Variants in CACNA1C observed in about 807,000 individuals in gnomAD.
CACNA1C encodes the protein calcium voltage-gated channel subunit alpha1 C, also known as voltage-dependent L-type calcium channel subunit alpha-1C.
Under a neutral mutation model 229.0 loss-of-function variants are expected in CACNA1C, and 30 were observed. The observed-to-expected ratio is 0.13, with a 90% CI of 0.10 to 0.18. CACNA1C has a LOEUF of 0.18. Among genes scored for constraint, CACNA1C ranks in the 10% least tolerant of loss-of-function variants. CACNA1C has a pLI of 1.00. For missense variants in CACNA1C, 1,658 were observed against 2,845.0 expected (o/e 0.58, Z 9.49); for synonymous variants, 1,114 against 1,132.5 (o/e 0.98, Z 0.33).
At chr12:2,558,714 C>T (rs766212367) in intron 11 of CACNA1C, among the ~76,000 whole-genome samples, 8 of 152,238 alleles carry the variant, frequency 5.3e-5, no homozygotes, top group Non-Finnish European at 1.2e-4. Flanking sequence ...TCCCCACCAA[C>T]CTCTTGGGCT....
chr12:2,669,065 C>A, intron 38 of CACNA1C, 30 bp downstream of exon 38: 1 of 1,424,530 alleles, frequency 7.0e-7, no homozygotes, highest in Non-Finnish European at 9.9e-7. Context: ...CTGGGAGAGA[C>A]ACTCAGAAGG....
chr12:2,120,267 TTA>T (rs1471153604), intron 2 of CACNA1C, 56 bp from the exon 3 acceptor site: 2 of 864,196 alleles, frequency 2.3e-6, no homozygotes, highest in African/African-American at 3.3e-5. Context: ...AATATGTAGA[TTA>T]TGTTTGTTTC....
At chr12:2,378,779 G>GTCCTTCCT (rs146245294) in intron 3 of CACNA1C, among the ~76,000 whole-genome samples, 7,850 of 143,998 alleles carry the variant, frequency 0.055, 257 homozygotes, top group African/African-American at 0.071. Flanking sequence ...GTTTATTTGG[G>GTCCTTCCT]TCCTTCCTTC....
At chr12:2,478,938 T>C (rs1481734080) in intron 5 of CACNA1C, among the ~76,000 whole-genome samples, 1 of 152,224 alleles carries the variant, frequency 6.6e-6, no homozygotes, top group Non-Finnish European at 1.5e-5. Context: ...TGGGGAAAAC[T>C]TTCTACAGCC....
At chr12:2,116,034 G>A (rs1048912133) in intron 2 of CACNA1C, among the ~76,000 whole-genome samples, 2 of 152,054 alleles carry the variant, frequency 1.3e-5, no homozygotes, top group Admixed American at 6.6e-5. Flanking sequence ...GAGCGTAGTG[G>A]TCAGGGCCCC....
chr12:2,549,107 C>T (rs1308610452), intron 9 of CACNA1C, among the ~76,000 whole-genome samples: 1 of 152,096 alleles, frequency 6.6e-6, no homozygotes, highest in Non-Finnish European at 1.5e-5. Context: ...AAACTGGGTT[C>T]TAAGCCAGAA....
At chr12:2,547,476 C>A (rs957782787) in intron 9 of CACNA1C, 3 of 779,710 alleles carry the variant, frequency 3.8e-6, no homozygotes, top group Non-Finnish European at 7.2e-6. Context: ...CATGCTTGAT[C>A]AGAAGAAAGG....
chr12:2,302,508 T>A (rs1047745107), intron 3 of CACNA1C, among the ~76,000 whole-genome samples: 5 of 151,980 alleles, frequency 3.3e-5, no homozygotes, highest in African/African-American at 7.3e-5. Flanking sequence ...CCCTTGTGGC[T>A]CTGGCCTCTG....
chr12:2,080,540 G>T (rs2065137475), intron 1 of CACNA1C, among the ~76,000 whole-genome samples: 1 of 151,154 alleles, frequency 6.6e-6, no homozygotes, highest in Admixed American at 6.6e-5. Flanking sequence ...GGCGGAGCTT[G>T]CAGTGAGCCA....
intron 29 of CACNA1C, among the ~76,000 whole-genome samples, chr12:2,626,515 T>G (rs539532325): frequency 1.6e-4 from 24 of 152,314 alleles, no homozygotes; most frequent in Non-Finnish European, 3.2e-4. Flanking sequence ...CTGCCTTCCC[T>G]TCTTCAGAGT....
chr12:2,128,815 G>A (rs188916848), intron 3 of CACNA1C, among the ~76,000 whole-genome samples: 13 of 152,284 alleles, frequency 8.5e-5, no homozygotes, highest in Admixed American at 2.0e-4. Flanking sequence ...AGTGCCTTGC[G>A]TATAAATGCG....
At chr12:2,414,614 G>A (rs1356423392) in intron 3 of CACNA1C, among the ~76,000 whole-genome samples, 1 of 152,186 alleles carries the variant, frequency 6.6e-6, no homozygotes, top group African/African-American at 2.4e-5. Context: ...TTTAAAAAAT[G>A]AAAGGGTTCT....
At chr12:2,446,390 GGGT>G (rs201644054) in intron 3 of CACNA1C, among the ~76,000 whole-genome samples, 22,034 of 140,382 alleles carry the variant, frequency 0.16, 2,045 homozygotes, top group Non-Finnish European at 0.2. Context: ...ATGGATGGAT[GGGT>G]GGATGGATAG....
chr12:2,537,875 C>T (rs2099859588), intron 9 of CACNA1C, among the ~76,000 whole-genome samples: 1 of 150,542 alleles, frequency 6.6e-6, no homozygotes. Flanking sequence ...GCTGCCCTGC[C>T]ATCTCTAGTG....
intron 3 of CACNA1C, among the ~76,000 whole-genome samples, chr12:2,123,417 T>G (rs1277685543): frequency 6.7e-6 from 1 of 149,060 alleles, no homozygotes; most frequent in Non-Finnish European, 1.5e-5. Flanking sequence ...TGAATCTTAG[T>G]CTGAGGTTAT....
Position 2,665,767 on chromosome 12 carries a change from A to G in CACNA1C, c.4526+59A>G, listed in dbSNP as rs1386836373. On this transcript the variant is annotated intron_variant, in intron 36 of 46. Coordinates refer to ENST00000399655, the MANE Select transcript of CACNA1C (RefSeq NM_000719.7). The surrounding 1 kb of genome is among the most constrained non-coding windows in gnomAD (Gnocchi z 5.9). Reference sequence around the variant, plus strand: ...GCTGAGAGAGGGTATAGCTGACCATACCTGCAGGAGGGGCTCAAGGTTGGC... The same window carrying G: ...GCTGAGAGAGGGTATAGCTGACCATGCCTGCAGGAGGGGCTCAAGGTTGGC... The G allele has an allele frequency of 4.5e-6, 7 of 1,547,944 alleles. No individual in the cohort carries two copies. The highest frequency in any genetic ancestry group is 1.2e-5 in the South Asian group (1 of 83,108).
At position 2,044,463 on chromosome 12, in the gene CACNA1C, G is replaced by A. The variant is rs142293448; in HGVS notation, c.140-70761G>A. 1.6e-3 allele frequency among the ~76,000 whole-genome samples: 251 copies of A among 152,270 alleles called. 1 individual carries two copies. The highest frequency in any genetic ancestry group is 5.8e-3 in the African/African-American group (242 of 41,558). On this transcript the variant is annotated intron_variant, in intron 1 of 46. Transcript: ENST00000682462. Reference sequence around the variant, plus strand: ...ATGACCTCTCTAGCAGGGCGGTGGTGATTAGTTGTAACTTCCCCGCCCCCA... The same window carrying A: ...ATGACCTCTCTAGCAGGGCGGTGGTAATTAGTTGTAACTTCCCCGCCCCCA...
chr12:2,177,634 C>CCTTCTCTCTCTCTTTCTT lies in CACNA1C; in HGVS notation c.477+57204_477+57205insCTTCTCTCTCTCTTTCTT, dbSNP rs1566165741. On this transcript the variant is annotated intron_variant, in intron 3 of 46. Transcript: ENST00000399655. The stretch of plus-strand genomic sequence containing the variant: ...CTTCCTTCCTTCCTTCCTTCTCTCT[C>CCTTCTCTCTCTCTTTCTT]TCTTTCTTTCTTTCTTTCTTTTTCT... 5.2e-3 allele frequency among the ~76,000 whole-genome samples: 585 copies of CCTTCTCTCTCTCTTTCTT among 112,974 alleles called. 6 individuals carry two copies. Among genetic ancestry groups the CCTTCTCTCTCTCTTTCTT allele is most frequent in the South Asian group, 0.025 (69 of 2,794 alleles). The allele number at this position is 112,974 out of a possible 152,430, so 74.1% of individuals were successfully genotyped here. A position where few individuals can be genotyped will look rare whatever the true frequency, so the allele number is the denominator to read the frequency against.
At chr12:2,549,472 G>GC (rs2099892304) in intron 9 of CACNA1C, among the ~76,000 whole-genome samples, 1 of 152,212 alleles carries the variant, frequency 6.6e-6, no homozygotes, top group Admixed American at 6.5e-5. Flanking sequence ...TAGCAAGCAC[G>GC]CCCTTTCTAC....
Sources: gnomAD v4.1 joint callset for allele counts (sites outside exome capture counted in the v4.1 genomes callset) on GRCh38, gnomAD v4.1.1 for gene constraint, Gnocchi (gnomAD v3.1) non-coding constraint, MANE v1.5 for transcripts, NCBI Gene and HGNC (gene_info 2026-07-23, HGNC 2026-07-21) for gene names.